CADPS2: variants seen among roughly 807,000 people sequenced by gnomAD.
The protein encoded by CADPS2 is calcium dependent secretion activator 2, also known as calcium-dependent secretion activator 2.
Under a neutral mutation model 172.5 loss-of-function variants are expected in CADPS2, and 93 were observed. The observed-to-expected ratio is 0.54, with a 90% confidence interval of 0.46 to 0.64. The LOEUF is 0.64. CADPS2 is among the 30% of genes least tolerant of loss of function. CADPS2 has a pLI of 0.00. For synonymous variants in CADPS2, 546 were observed against 555.2 expected (o/e 0.98, Z 0.23); for missense variants, 1,420 against 1,565.9 (o/e 0.91, Z 1.57).
At chr7:122,702,713 G>T in intron 2 of CADPS2, 4 of 1,611,536 alleles carry the variant, frequency 2.5e-6, no homozygotes, top group Non-Finnish European at 3.4e-6. Context: ...AGATGAAACA[G>T]AACTATGCGT....
At chr7:122,545,743 G>A (rs1397171152) in intron 8 of CADPS2, among the ~76,000 whole-genome samples, 1 of 152,040 alleles carries the variant, frequency 6.6e-6, no homozygotes, top group Admixed American at 6.6e-5. Flanking sequence ...TCAGTGAAGA[G>A]GAAGTTGTAA....
chr7:122,860,224 AC>A (rs1293367512), intron 1 of CADPS2, among the ~76,000 whole-genome samples: 1 of 152,092 alleles, frequency 6.6e-6, no homozygotes, highest in Non-Finnish European at 1.5e-5. Context: ...ACCAACAAGT[AC>A]CTGACACAAC....
chr7:122,706,795 T>C (rs946084593), intron 2 of CADPS2, among the ~76,000 whole-genome samples: 4 of 145,134 alleles, frequency 2.8e-5, no homozygotes, highest in Non-Finnish European at 6.1e-5. Context: ...CATACATATA[T>C]ATATACACAC....
intron 1 of CADPS2, among the ~76,000 whole-genome samples, chr7:122,801,888 TGAG>T (rs1797743557): frequency 6.6e-6 from 1 of 151,964 alleles, no homozygotes; most frequent in Non-Finnish European, 1.5e-5. Flanking sequence ...TCTGCGCAGG[TGAG>T]AATCACTTTT....
At chr7:122,621,768 TTATCATACAAAATTG>T in intron 4 of CADPS2, 51 bp from the exon 5 acceptor site, 1 of 1,033,072 alleles carries the variant, frequency 9.7e-7, no homozygotes, top group Non-Finnish European at 1.4e-6. Flanking sequence ...TATTTCAATT[TTATCATACAAAATTG>T]TATGATATAT....
At chr7:122,850,624 A>G (rs1813302778) in intron 1 of CADPS2, among the ~76,000 whole-genome samples, 1 of 152,198 alleles carries the variant, frequency 6.6e-6, no homozygotes, top group African/African-American at 2.4e-5. Context: ...TTCTTCCCCT[A>G]TCCTGATGGT....
At chr7:122,403,984 T>C (rs1367852295) in intron 20 of CADPS2, among the ~76,000 whole-genome samples, 2 of 152,188 alleles carry the variant, frequency 1.3e-5, no homozygotes, top group East Asian at 3.8e-4. Flanking sequence ...TGGTGAACAT[T>C]AATAATGCCT....
intron 2 of CADPS2, among the ~76,000 whole-genome samples, chr7:122,664,127 T>C (rs528308318): frequency 2.6e-4 from 37 of 144,016 alleles, no homozygotes; most frequent in Admixed American, 6.2e-4. Context: ...CCAACATCCA[T>C]ACCTGTGTCT....
chr7:122,450,688 G>A (rs2152034231), intron 15 of CADPS2, among the ~76,000 whole-genome samples: 1 of 151,852 alleles, frequency 6.6e-6, no homozygotes, highest in Non-Finnish European at 1.5e-5. Context: ...GCACCACCAT[G>A]TCTGGCTGGT....
intron 27 of CADPS2, among the ~76,000 whole-genome samples, chr7:122,347,164 G>A (rs1318985968): frequency 6.6e-6 from 1 of 152,098 alleles, no homozygotes; most frequent in Non-Finnish European, 1.5e-5. Flanking sequence ...AGAAAATTAG[G>A]TTAAAGAGGA....
intron 3 of CADPS2, among the ~76,000 whole-genome samples, chr7:122,651,960 GC>G (rs1383128566): frequency 1.3e-5 from 2 of 152,048 alleles, no homozygotes; most frequent in Admixed American, 1.3e-4. Context: ...CTCAAATACA[GC>G]CCCATCTCCT....
intron 8 of CADPS2, among the ~76,000 whole-genome samples, chr7:122,547,917 G>A (rs575183871): frequency 4.6e-5 from 7 of 152,228 alleles, no homozygotes; most frequent in Admixed American, 6.5e-5. Context: ...TAATTTCAAT[G>A]ACACTAGTCT....
intron 2 of CADPS2, chr7:122,698,219 A>C: frequency 6.2e-7 from 1 of 1,613,946 alleles, no homozygotes. Flanking sequence ...AGTTGTCCAA[A>C]TGTGTTCTGA....
intron 8 of CADPS2, among the ~76,000 whole-genome samples, chr7:122,548,936 G>A (rs2063908781): frequency 6.6e-6 from 1 of 152,148 alleles, no homozygotes; most frequent in South Asian, 2.1e-4. Flanking sequence ...CATAATAGCT[G>A]TCAAATAAAA....
intron 3 of CADPS2, among the ~76,000 whole-genome samples, chr7:122,646,130 C>A (rs1294874706): frequency 6.6e-6 from 1 of 151,938 alleles, no homozygotes; most frequent in Non-Finnish European, 1.5e-5. Flanking sequence ...ATTTATACAG[C>A]ACTTGCATAC....
chr7:122,821,994 A>C (rs1265472933), intron 1 of CADPS2, among the ~76,000 whole-genome samples: 2 of 151,692 alleles, frequency 1.3e-5, no homozygotes, highest in Non-Finnish European at 2.9e-5. Flanking sequence ...CATCCCTACT[A>C]TCTTCTGTCT....
At chr7:122,510,845 ATTTTG>A (rs994132803) in intron 9 of CADPS2, among the ~76,000 whole-genome samples, 17 of 152,072 alleles carry the variant, frequency 1.1e-4, no homozygotes, top group Non-Finnish European at 1.2e-4. Context: ...ATCCATCTTG[ATTTTG>A]AAGTGTGTGC....
At chr7:122,354,004 T>TTA (rs1406663145) in intron 27 of CADPS2, among the ~76,000 whole-genome samples, 22 of 152,136 alleles carry the variant, frequency 1.4e-4, no homozygotes, top group Non-Finnish European at 7.3e-5. Flanking sequence ...ATTTCTTTTT[T>TTA]TTTCCTTCAT....
At chr7:122,733,660 G>A (rs1017882859) in intron 2 of CADPS2, among the ~76,000 whole-genome samples, 1 of 151,836 alleles carries the variant, frequency 6.6e-6, no homozygotes, top group South Asian at 2.1e-4. Context: ...TTTAACTTTG[G>A]GACTTCAGGA....
Sources: allele counts gnomAD v4.1 joint callset (sites outside exome capture counted in the v4.1 genomes callset), GRCh38; gene constraint gnomAD v4.1.1; transcripts MANE v1.5; gene names NCBI Gene and HGNC (gene_info 2026-07-23, HGNC 2026-07-21).